The following IL16 variants were observed in gnomAD, a reference collection of about 807,000 sequenced individuals.
IL16 encodes the protein interleukin 16, also known as pro-interleukin-16.
Under a neutral mutation model 110.1 loss-of-function variants are expected in IL16, and 67 were observed. The observed-to-expected ratio is 0.61, with a 90% confidence interval of 0.50 to 0.75. The LOEUF is 0.75. Ranked by LOEUF, IL16 falls within the 30% of genes least tolerant of loss-of-function variation. The probability of loss-of-function intolerance (pLI) is 0.00; values close to 1 mark genes in which losing one functional copy is unlikely to be tolerated. For missense variants in IL16, 1,545 were observed against 1,655.0 expected (o/e 0.93, Z 1.15); for synonymous variants, 689 against 662.9 (o/e 1.04, Z -0.61).
Position 81,313,442 on chromosome 15 carries a change from C to A in IL16, c.*4644C>A. On this transcript the variant is annotated 3_prime_UTR_variant, in exon 19 of 19. Transcript: ENST00000683961. The stretch of plus-strand genomic sequence containing the variant: ...AGCAGAGCTGTGTTATGATCTGCAG[C>A]AGAGGTGCTGGGGACGAGCGCCAGG... The A allele has an allele frequency of 1.4e-6, 2 of 1,464,928 alleles. No homozygotes were observed. Among genetic ancestry groups the A allele is most frequent in the South Asian group, 1.5e-5 (1 of 67,296 alleles). The allele number at this position is 1,464,928 out of a possible 1,614,324, so 90.7% of individuals were successfully genotyped here.
intron 6 of IL16, among the ~76,000 whole-genome samples, chr15:81,273,515 C>G (rs1898743845): frequency 6.6e-6 from 1 of 152,110 alleles, no homozygotes; most frequent in Non-Finnish European, 1.5e-5. Flanking sequence ...CTCCTCTCAC[C>G]CATTCTCTCG....
intron 10 of IL16, 135 bp from the exon 11 acceptor site, chr15:81,290,318 C>A: frequency 3.5e-6 from 2 of 574,152 alleles, no homozygotes; most frequent in Non-Finnish European, 3.1e-6. Flanking sequence ...AAATGGAATT[C>A]ATCAGCTATT....
intron 3 of IL16, among the ~76,000 whole-genome samples, chr15:81,262,849 T>G (rs1898212392): frequency 6.6e-6 from 1 of 152,214 alleles, no homozygotes; most frequent in Non-Finnish European, 1.5e-5. Context: ...GAGAATCACT[T>G]AAACCTGGGA....
At chr15:81,190,261 A>G (rs1027638785) in intron 1 of IL16, among the ~76,000 whole-genome samples, 8 of 152,172 alleles carry the variant, frequency 5.3e-5, no homozygotes, top group Admixed American at 3.3e-4. Context: ...TGCTGTGCAA[A>G]CCATCCTAAT....
intron 2 of IL16, among the ~76,000 whole-genome samples, chr15:81,258,752 ACTCGCTCTCTCTCTCTCTCTC>A (rs1898042475): frequency 8.4e-6 from 1 of 119,144 alleles, no homozygotes; most frequent in African/African-American, 3.5e-5. Flanking sequence ...TCTCTCTGTC[ACTCGCTCTCTCTCTCTCTCTC>A]TATATATATA....
chr15:81,265,899 T>C, intron 4 of IL16, 98 bp downstream of exon 4: 2 of 1,174,144 alleles, frequency 1.7e-6, no homozygotes, highest in Non-Finnish European at 2.4e-6. Context: ...CCCAGTAGTT[T>C]TTTTGTCCGC....
intron 2 of IL16, among the ~76,000 whole-genome samples, chr15:81,251,016 T>C (rs1897750293): frequency 6.6e-6 from 1 of 152,158 alleles, no homozygotes; most frequent in Admixed American, 6.5e-5. Flanking sequence ...GTTCATCAAA[T>C]TATCTCAGAG....
In IL16 at chr15:81,208,384, T is replaced by G. The variant is rs1297400909; in HGVS notation, c.-102+11232T>G. 3.3e-5 allele frequency among the ~76,000 whole-genome samples: 5 copies of G among 152,236 alleles called. No homozygotes were observed. In the East Asian group the frequency reaches 9.6e-4, roughly 29 times the overall value. ...GCAGAAGCTCGTTAGCTTAATTAGG[T>G]GGCATGATCTCAGCTTACTGCAATC... On this transcript the variant is annotated intron_variant, in intron 1 of 18. Transcript: ENST00000683961.
intron 1 of IL16, among the ~76,000 whole-genome samples, chr15:81,207,808 G>C (rs941987221): frequency 6.7e-6 from 1 of 149,860 alleles, no homozygotes; most frequent in African/African-American, 2.5e-5. Flanking sequence ...TTGCTATTGT[G>C]AATAGTGCCA....
At chr15:81,300,582 T>G in intron 14 of IL16, 107 bp downstream of exon 14, 2 of 685,704 alleles carry the variant, frequency 2.9e-6, no homozygotes, top group Non-Finnish European at 4.6e-6. Context: ...CCCAGATATA[T>G]TGATTAAAGA....
intron 1 of IL16, among the ~76,000 whole-genome samples, chr15:81,200,460 C>T (rs770939245): frequency 3.9e-5 from 6 of 152,060 alleles, no homozygotes; most frequent in Non-Finnish European, 7.4e-5. Context: ...GCCTTGACTC[C>T]GTGAGCTCAG....
chr15:81,188,419 C>G, intron 1 of IL16: 1 of 456,226 alleles, frequency 2.2e-6, no homozygotes, highest in Non-Finnish European at 4.4e-6. Flanking sequence ...TGTTGAACGT[C>G]CACTGTATTT....
chr15:81,246,363 C>T (rs1398319368), intron 2 of IL16, among the ~76,000 whole-genome samples: 1 of 152,174 alleles, frequency 6.6e-6, no homozygotes, highest in Non-Finnish European at 1.5e-5. Context: ...CTGGCAACCA[C>T]TTACTTTTCT....
chr15:81,231,912 G>C (rs75831074), intron 2 of IL16, among the ~76,000 whole-genome samples: 2,181 of 152,078 alleles, frequency 0.014, 59 homozygotes, highest in African/African-American at 0.051. Flanking sequence ...ATATGTATAG[G>C]TCTATTTCTG....
At chr15:81,190,022 T>G (rs1045778164) in intron 1 of IL16, among the ~76,000 whole-genome samples, 5 of 152,196 alleles carry the variant, frequency 3.3e-5, no homozygotes, top group African/African-American at 1.2e-4. Flanking sequence ...AACTCCACCC[T>G]TGTCCTGTCT....
rs1253933063 is a variant in IL16 at position 81,301,597 on chromosome 15, C to T, written c.3318+85C>T. 3 of 1,190,804 alleles carry T rather than the reference C, an allele frequency of 2.5e-6. No homozygotes were observed. The African/African-American group carries it at 4.6e-5, about 18-fold the overall frequency. 73.8% of individuals were successfully genotyped at this position (1,190,804 alleles called of 1,614,324 possible). On this transcript the variant is annotated intron_variant, in intron 15 of 18. Transcript: ENST00000683961. ...CTTAGTTGGGCCAGAGGGGAAGTAG[C>T]TTGAGTAGCCTGCTCACATCAGACC... is the stretch of plus-strand genomic sequence containing the variant.
chr15:81,217,421 G>A (rs1296435144), intron 1 of IL16, among the ~76,000 whole-genome samples: 2 of 152,030 alleles, frequency 1.3e-5, no homozygotes, highest in Admixed American at 1.3e-4. Flanking sequence ...AAGTTTCAAA[G>A]AACTACCTAA....
chr15:81,271,806 C>T (rs1160773859), intron 5 of IL16, among the ~76,000 whole-genome samples: 1 of 152,206 alleles, frequency 6.6e-6, no homozygotes, highest in Non-Finnish European at 1.5e-5. Flanking sequence ...ACCACCTTCA[C>T]CAGAGGCTTA....
chr15:81,292,282 C>A, intron 11 of IL16: 2 of 489,246 alleles, frequency 4.1e-6, no homozygotes, highest in Non-Finnish European at 7.6e-6. Context: ...ACAGCTGGGA[C>A]ACCAAGCCCT....
Sources: allele counts gnomAD v4.1 joint callset (sites outside exome capture counted in the v4.1 genomes callset), GRCh38; gene constraint gnomAD v4.1.1; transcripts MANE v1.5; gene names NCBI Gene and HGNC (gene_info 2026-07-23, HGNC 2026-07-21).